Variants in PLXDC2 observed in about 807,000 individuals in gnomAD.
The protein encoded by PLXDC2 is plexin domain-containing protein 2.
A neutral mutation model predicts 68.9 loss-of-function variants in PLXDC2; 40 were observed. That is an observed-to-expected ratio of 0.58 (90% CI 0.45 to 0.76). PLXDC2 has a LOEUF of 0.76. Ranked by LOEUF, PLXDC2 falls within the 30% of genes least tolerant of loss-of-function variation. The pLI, the probability that PLXDC2 is intolerant of heterozygous loss-of-function variation, is 0.00. For synonymous variants in PLXDC2, 243 were observed against 234.2 expected (o/e 1.04, Z -0.34); for missense variants, 644 against 661.9 (o/e 0.97, Z 0.30).
At chr10:19,920,879 TTTAAA>T (rs1258405887) in intron 1 of PLXDC2, among the ~76,000 whole-genome samples, 2 of 152,138 alleles carry the variant, frequency 1.3e-5, no homozygotes, top group Admixed American at 6.6e-5. Flanking sequence ...TAAGTGAACA[TTTAAA>T]TTAACTTCAG....
At chr10:19,978,718 TA>T (rs1564645861) in intron 1 of PLXDC2, among the ~76,000 whole-genome samples, 1 of 152,234 alleles carries the variant, frequency 6.6e-6, no homozygotes, top group African/African-American at 2.4e-5. Flanking sequence ...AATAGTGTGC[TA>T]ACAATCATTC....
chr10:19,858,317 G>T (rs1280501783), intron 1 of PLXDC2, among the ~76,000 whole-genome samples: 1 of 152,134 alleles, frequency 6.6e-6, no homozygotes, highest in Non-Finnish European at 1.5e-5. Context: ...TTAACTGTGG[G>T]CTCCTGAGGT....
At chr10:20,071,307 G>A (rs796775661) in intron 4 of PLXDC2, 6 of 152,306 alleles carry the variant, frequency 3.9e-5, no homozygotes, top group African/African-American at 1.4e-4. Flanking sequence ...GATAAGCTAA[G>A]TTCAGGAGCT....
intron 4 of PLXDC2, 104 bp downstream of exon 4, chr10:20,068,343 C>G: frequency 9.9e-7 from 1 of 1,012,892 alleles, no homozygotes; most frequent in Non-Finnish European, 1.4e-6. Context: ...TTGAGAAAAC[C>G]ATTGTGTTTT....
intron 4 of PLXDC2, among the ~76,000 whole-genome samples, chr10:20,102,618 A>G (rs538228483): frequency 1.3e-5 from 2 of 152,196 alleles, no homozygotes; most frequent in African/African-American, 4.8e-5. Flanking sequence ...GGGTGGTTTT[A>G]AGGATTTTGG....
intron 1 of PLXDC2, among the ~76,000 whole-genome samples, chr10:19,929,653 C>T (rs1000081881): frequency 6.6e-6 from 1 of 152,052 alleles, no homozygotes; most frequent in African/African-American, 2.4e-5. Flanking sequence ...GGATCAGAGT[C>T]TAAGCAATGA....
intron 3 of PLXDC2, among the ~76,000 whole-genome samples, chr10:20,058,536 T>A (rs1389545037): frequency 6.6e-6 from 1 of 152,208 alleles, no homozygotes; most frequent in East Asian, 1.9e-4. Flanking sequence ...TAGCATAGTG[T>A]CCAAGATATC....
rs115204259 is a variant in PLXDC2 at position 19,871,678 on chromosome 10, G to A, written c.112+54487G>A. ...GTGGATCACGTGAGGTCAGGAGTAC[G>A]AGACTAGCCTGGCCAGTCTCTACTG... On this transcript the variant is annotated intron_variant, in intron 1 of 13. Coordinates refer to ENST00000377252, the MANE Select transcript of PLXDC2 (RefSeq NM_032812.9). 6.5e-3 allele frequency among the ~76,000 whole-genome samples: 987 copies of A among 152,032 alleles called. 9 individuals are homozygous for A. Among genetic ancestry groups the A allele is most frequent in the African/African-American group, 0.021 (861 of 41,496 alleles).
chr10:20,175,957 C>T lies in PLXDC2; in HGVS notation c.884-1042C>T, dbSNP rs551753717. Among the ~76,000 whole-genome samples the T allele has an allele frequency of 7.2e-5, 11 of 152,266 alleles. No homozygotes were observed. In the South Asian group the frequency reaches 1.7e-3, roughly 23 times the overall value. ...GCTGACAACATTATTTTTCCACTTA[C>T]ATTGACCAAACCCAGGCGAGCACAT... On this transcript the variant is annotated intron_variant, in intron 7 of 13. Transcript: ENST00000377252.
At chr10:19,982,129 C>T (rs1216146909) in intron 1 of PLXDC2, among the ~76,000 whole-genome samples, 2 of 152,188 alleles carry the variant, frequency 1.3e-5, no homozygotes, top group Admixed American at 6.5e-5. Flanking sequence ...AAGAAACTTT[C>T]CCCAAAGAGT....
At chr10:20,162,638 G>C (rs1834320434) in intron 6 of PLXDC2, among the ~76,000 whole-genome samples, 1 of 152,062 alleles carries the variant, frequency 6.6e-6, no homozygotes, top group African/African-American at 2.4e-5. Flanking sequence ...TTAACTGTAA[G>C]TCTGTCTTAA....
At chr10:19,873,642 C>A (rs1229979994) in intron 1 of PLXDC2, among the ~76,000 whole-genome samples, 1 of 151,988 alleles carries the variant, frequency 6.6e-6, no homozygotes, top group East Asian at 1.9e-4. Flanking sequence ...GCACATTGAA[C>A]CAGAAGTGTA....
intron 1 of PLXDC2, among the ~76,000 whole-genome samples, chr10:19,978,047 C>T (rs556837517): frequency 6.6e-6 from 1 of 152,178 alleles, no homozygotes; most frequent in African/African-American, 2.4e-5. Flanking sequence ...TCCTACCCTA[C>T]CTTCCCTATG....
chr10:19,965,139 T>C (rs1317026319), intron 1 of PLXDC2, among the ~76,000 whole-genome samples: 2 of 152,240 alleles, frequency 1.3e-5, no homozygotes, highest in Non-Finnish European at 2.9e-5. Flanking sequence ...GAGTATCACA[T>C]GAAACCAATG....
chr10:20,017,107 A>G (rs112663733), intron 2 of PLXDC2, among the ~76,000 whole-genome samples: 1,835 of 152,268 alleles, frequency 0.012, 17 homozygotes, highest in Non-Finnish European at 0.021. Context: ...AGATAAATAG[A>G]GAGAGAGAAA....
At chr10:19,878,544 T>C (rs528389362) in intron 1 of PLXDC2, among the ~76,000 whole-genome samples, 3 of 152,312 alleles carry the variant, frequency 2.0e-5, no homozygotes, top group African/African-American at 7.2e-5. Flanking sequence ...AAGAAAGTCT[T>C]TGGATAACTA....
At chr10:19,971,521 T>C (rs921224338) in intron 1 of PLXDC2, among the ~76,000 whole-genome samples, 1 of 152,262 alleles carries the variant, frequency 6.6e-6, no homozygotes, top group Middle Eastern at 3.4e-3. Flanking sequence ...TTGTGTACCC[T>C]GGTGAGTAAG....
intron 1 of PLXDC2, among the ~76,000 whole-genome samples, chr10:19,887,586 G>T (rs1837872372): frequency 3.9e-5 from 6 of 152,088 alleles, no homozygotes; most frequent in Admixed American, 2.6e-4. Context: ...TAATTTATAT[G>T]AGTGAAATGT....
intron 2 of PLXDC2, among the ~76,000 whole-genome samples, chr10:20,038,296 T>A (rs183684173): frequency 9.9e-5 from 15 of 151,912 alleles, no homozygotes; most frequent in Admixed American, 9.8e-4. Flanking sequence ...AGAAAAGTCA[T>A]ACATAAGATA....
Sources: gnomAD v4.1 joint callset for allele counts (sites outside exome capture counted in the v4.1 genomes callset) on GRCh38, gnomAD v4.1.1 for gene constraint, MANE v1.5 for transcripts, NCBI Gene and HGNC (gene_info 2026-07-23, HGNC 2026-07-21) for gene names.